The following BBS2 variants were observed in gnomAD, a reference collection of about 807,000 sequenced individuals.
BBS2 encodes the protein BBSome complex member BBS2.
In BBS2, 62 loss-of-function variants were observed where a neutral mutation model predicts 83.0. The observed-to-expected ratio is 0.75, with a 90% confidence interval of 0.61 to 0.92. BBS2 has a LOEUF of 0.92. Ranked by LOEUF, BBS2 falls within the 40% of genes least tolerant of loss-of-function variation. The probability of loss-of-function intolerance (pLI) is 0.00; values close to 1 mark genes in which losing one functional copy is unlikely to be tolerated. For synonymous variants in BBS2, 303 were observed against 326.1 expected (o/e 0.93, Z 0.76); for missense variants, 784 against 901.0 (o/e 0.87, Z 1.66).
chr16:56,514,598 G>C lies in BBS2; in HGVS notation c.200C>G (p.Ser67Cys). The C allele has an allele frequency of 6.2e-7, 1 of 1,614,170 alleles. No homozygotes were observed. Among genetic ancestry groups the C allele is most frequent in the South Asian group, 1.1e-5 (1 of 91,084 alleles). ...GACTGCCTGGTTAATGCTGAGAAGA[G>C]AAACATCAGATTCCAGGGGGCTCTG... ...VFQSPLESDV[S>C]LLSINQAVSC... Residue 67 changes from serine to cysteine, a missense_variant, in exon 2 of 17, where the codon TCT becomes TGT. Coordinates refer to ENST00000245157, the MANE Select transcript of BBS2 (RefSeq NM_031885.5).
At chr16:56,498,674 TCTC>T (rs1395919873) in intron 12 of BBS2, 106 bp from the exon 13 acceptor site, 1 of 1,584,526 alleles carries the variant, frequency 6.3e-7, no homozygotes, top group African/African-American at 1.4e-5. Context: ...AGGGAAGAGT[TCTC>T]CTTCTTTCTA....
chr16:56,505,778 T>C (rs1292000793), intron 7 of BBS2, among the ~76,000 whole-genome samples, 172 bp downstream of exon 7: 2 of 152,222 alleles, frequency 1.3e-5, no homozygotes, highest in Non-Finnish European at 2.9e-5. Context: ...TGTGCAGCTC[T>C]TGACAATGAT....
exon 18 of BBS2, chr16:56,470,540 T>G (rs1252641751): frequency 3.1e-6 from 5 of 1,614,136 alleles, no homozygotes; most frequent in Middle Eastern, 1.7e-4. Context: ...AAGGAGTGCA[T>G]GAAGTTATTT....
chr16:56,511,074 T>C (rs1435571655), intron 3 of BBS2, 85 bp downstream of exon 3: 6 of 1,582,590 alleles, frequency 3.8e-6, no homozygotes, highest in Non-Finnish European at 5.2e-6. Context: ...ATAAATATTA[T>C]TACTCAGTAG....
chr16:56,480,352 CAAAAAAAAAAAAACAAAAA>C (rs1245843590), downstream of BBS2, among the ~76,000 whole-genome samples: 1 of 76,592 alleles, frequency 1.3e-5, no homozygotes, highest in Non-Finnish European at 2.3e-5. Context: ...CACACACACA[CAAAAAAAAAAAAACAAAAA>C]AAAAAACAAA....
chr16:56,471,944 T>C (rs1389217492), intron 17 of BBS2, among the ~76,000 whole-genome samples: 2 of 149,572 alleles, frequency 1.3e-5, no homozygotes, highest in Non-Finnish European at 3.0e-5. Context: ...TTAAAAAACT[T>C]ATCCACTTCT....
intron 1 of BBS2, among the ~76,000 whole-genome samples, chr16:56,515,806 A>G (rs1964725620): frequency 6.6e-6 from 1 of 152,232 alleles, no homozygotes; most frequent in Non-Finnish European, 1.5e-5. Context: ...TGTTAATTGC[A>G]TTTGAACCTG....
intron 15 of BBS2, among the ~76,000 whole-genome samples, chr16:56,488,554 A>G (rs1407572251): frequency 6.6e-6 from 1 of 152,226 alleles, no homozygotes; most frequent in Admixed American, 6.5e-5. Context: ...TGGAGCTTCC[A>G]TGCCCTCCCT....
intron 17 of BBS2, chr16:56,474,718 G>A: frequency 1.3e-6 from 1 of 773,512 alleles, no homozygotes; most frequent in Middle Eastern, 3.2e-4. Context: ...AAGGTTTGTG[G>A]GAATGGTTTC....
At chr16:56,479,824 AG>A (rs1429758224), downstream of BBS2, among the ~76,000 whole-genome samples, 1 of 152,184 alleles carries the variant, frequency 6.6e-6, no homozygotes, top group Non-Finnish European at 1.5e-5. Context: ...TCCTCTGTGA[AG>A]GGTCTCAGTT....
At chr16:56,505,629 C>T (rs1964400333) in intron 7 of BBS2, among the ~76,000 whole-genome samples, 1 of 152,178 alleles carries the variant, frequency 6.6e-6, no homozygotes, top group Non-Finnish European at 1.5e-5. Flanking sequence ...CAAACAATTC[C>T]TTAAAACTCC....
In BBS2 at chr16:56,470,551, C is replaced by T. The variant is rs547692853; in HGVS notation, c.*145G>A. The stretch of plus-strand genomic sequence containing the variant: ...ATTGAAGGAGTGCATGAAGTTATTT[C>T]GCTCTGAGGCACTATTCTTGCTGCT... On this transcript the variant is annotated 3_prime_UTR_variant, in exon 18 of 18. Transcript: ENST00000682047. 7.4e-6 allele frequency: 12 copies of T among 1,614,108 alleles called. No individual in the cohort carries two copies. In the African/African-American group the frequency reaches 1.1e-4, roughly 14 times the overall value.
Position 56,501,417 on chromosome 16 carries a change from G to A in BBS2, c.1161C>T (p.Leu387=), listed in dbSNP as rs71387119. The A allele has an allele frequency of 6.2e-7, 1 of 1,614,174 alleles. No individual in the cohort carries two copies. Among genetic ancestry groups the A allele is most frequent in the African/African-American group, 1.3e-5 (1 of 75,046 alleles). ...GGGTCTCATTCCCCAGGCTGACTGA[G>A]AGCGTGGTGTGGAGCCTGGTATTGG... ...IPANTRLHTT[L]SVSLGNETQT... The change falls in exon 10 of 17, where the codon CTC becomes CTT. Residue 387 remains leucine (L), a synonymous_variant. Transcript: ENST00000245157.
intron 2 of BBS2, 84 bp from the exon 3 acceptor site, chr16:56,511,368 G>C: frequency 6.3e-7 from 1 of 1,578,716 alleles, no homozygotes; most frequent in Non-Finnish European, 8.6e-7. Context: ...TGAGTAAACT[G>C]AGCAGATTTT....
intron 7 of BBS2, 116 bp downstream of exon 7, chr16:56,505,834 T>C (rs1964406690): frequency 1.3e-6 from 1 of 791,288 alleles, no homozygotes; most frequent in Non-Finnish European, 2.2e-6. Flanking sequence ...GTAAAAACAT[T>C]GCCAAGGAAC....
At chr16:56,470,740 C>A in intron 17 of BBS2, 1 of 1,613,558 alleles carries the variant, frequency 6.2e-7, no homozygotes, top group South Asian at 1.1e-5. Flanking sequence ...CAACAGCCAA[C>A]AGAGCAATGA....
intron 1 of BBS2, among the ~76,000 whole-genome samples, chr16:56,519,052 T>C (rs1203810982): frequency 1.3e-5 from 2 of 152,164 alleles, no homozygotes; most frequent in Non-Finnish European, 2.9e-5. Context: ...TGTGAAAGGC[T>C]GGGTGCAGTG....
intron 17 of BBS2, chr16:56,476,549 T>C (rs569859877): frequency 4.3e-4 from 71 of 166,558 alleles, no homozygotes; most frequent in Admixed American, 6.3e-4. Context: ...TTTTTAAATA[T>C]GCAATTCAGT....
intron 1 of BBS2, 65 bp downstream of exon 1, chr16:56,519,681 G>A (rs1964862377): frequency 1.5e-6 from 2 of 1,356,748 alleles, no homozygotes; most frequent in African/African-American, 1.4e-5. Context: ...GGATCCCAGG[G>A]GCGCGGCCGG....
Sources: gnomAD v4.1 joint callset for allele counts (sites outside exome capture counted in the v4.1 genomes callset) on GRCh38, gnomAD v4.1.1 for gene constraint, MANE v1.5 for transcripts, NCBI Gene and HGNC (gene_info 2026-07-23, HGNC 2026-07-21) for gene names.